SGCZ: variants seen among roughly 807,000 people sequenced by gnomAD.
The protein encoded by SGCZ is zeta-sarcoglycan.
Under a neutral mutation model 41.3 loss-of-function variants are expected in SGCZ, and 40 were observed. The ratio of observed to expected loss-of-function variants is 0.97; its 90% CI spans 0.75 to 1.26. SGCZ has a LOEUF of 1.26. SGCZ is among the 50% of genes most tolerant of loss of function. The pLI is 0.00. For missense variants in SGCZ, 552 were observed against 369.8 expected (o/e 1.49, Z -4.04); for synonymous variants, 206 against 137.5 (o/e 1.50, Z -3.49).
intron 1 of SGCZ, among the ~76,000 whole-genome samples, chr8:15,130,910 T>C (rs915010610): frequency 3.9e-5 from 6 of 152,138 alleles, no homozygotes; most frequent in Admixed American, 3.9e-4. Flanking sequence ...CCCCATCCAT[T>C]TTATATTATT....
intron 1 of SGCZ, among the ~76,000 whole-genome samples, chr8:15,054,961 C>CA (rs34309870): frequency 0.019 from 2,705 of 142,486 alleles, 32 homozygotes; most frequent in Non-Finnish European, 0.027. Context: ...GACTCCATCT[C>CA]AAAAAAAAAA....
At chr8:14,379,971 G>A (rs1023254182) in intron 2 of SGCZ, among the ~76,000 whole-genome samples, 1 of 152,152 alleles carries the variant, frequency 6.6e-6, no homozygotes, top group African/African-American at 2.4e-5. Flanking sequence ...GACCTCAGGT[G>A]ATCCACCCAC....
chr8:14,388,946 A>G (rs956545153), intron 2 of SGCZ, among the ~76,000 whole-genome samples: 2 of 152,114 alleles, frequency 1.3e-5, no homozygotes, highest in African/African-American at 4.8e-5. Context: ...AATTATCTGA[A>G]TAACATTGTA....
chr8:14,455,455 T>TAC (rs5889534), intron 2 of SGCZ, among the ~76,000 whole-genome samples: 4,782 of 144,370 alleles, frequency 0.033, 95 homozygotes, highest in African/African-American at 0.05. Flanking sequence ...TTTGCATGCA[T>TAC]ACACACACAC....
chr8:14,584,748 G>T (rs1463590848), intron 1 of SGCZ, among the ~76,000 whole-genome samples: 2 of 151,932 alleles, frequency 1.3e-5, no homozygotes, highest in Non-Finnish European at 2.9e-5. Flanking sequence ...AAGGGAAAAG[G>T]GAAGGTAGAA....
At position 14,383,653 on chromosome 8, in the gene SGCZ, G is replaced by C. The variant is rs117696154; in HGVS notation, c.235-59449C>G. On this transcript the variant is annotated intron_variant, in intron 2 of 7. Coordinates refer to ENST00000382080, the MANE Select transcript of SGCZ (RefSeq NM_139167.4). ...TTCCACTATAATTAAATTTTGAGAA[G>C]TGACAAAAAAATGTGCTGCAGGTAT... 1.2e-3 allele frequency among the ~76,000 whole-genome samples: 188 copies of C among 152,344 alleles called. 1 individual carries two copies. The East Asian group carries it at 0.033, about 27-fold the overall frequency.
At chr8:14,447,515 T>C (rs1003091289) in intron 2 of SGCZ, among the ~76,000 whole-genome samples, 6 of 152,300 alleles carry the variant, frequency 3.9e-5, no homozygotes, top group East Asian at 1.9e-4. Flanking sequence ...AAAACAAGTA[T>C]GTAATTAAGG....
intron 5 of SGCZ, among the ~76,000 whole-genome samples, chr8:14,156,144 T>C (rs1408680910): frequency 6.6e-6 from 1 of 152,096 alleles, no homozygotes; most frequent in Non-Finnish European, 1.5e-5. Flanking sequence ...TTATAAACAC[T>C]GTGCATAGAG....
At chr8:14,841,318 A>G (rs1366820775) in intron 1 of SGCZ, among the ~76,000 whole-genome samples, 4 of 152,010 alleles carry the variant, frequency 2.6e-5, no homozygotes, top group Non-Finnish European at 5.9e-5. Flanking sequence ...CTAACCTAAC[A>G]TAAGAGATAA....
At chr8:14,291,041 A>G (rs6530758) in intron 3 of SGCZ, among the ~76,000 whole-genome samples, 108,013 of 151,916 alleles carry the variant, frequency 0.71, 39,743 homozygotes, top group Non-Finnish European at 0.8. Context: ...TTGCAGCAAC[A>G]TGGATGAACT....
chr8:14,841,027 T>C (rs7845612), intron 1 of SGCZ, among the ~76,000 whole-genome samples: 1,594 of 152,218 alleles, frequency 0.01, 30 homozygotes, highest in African/African-American at 0.036. Context: ...TTTATCAATG[T>C]GTAAACATTT....
chr8:14,534,968 G>A (rs17119725), intron 2 of SGCZ, among the ~76,000 whole-genome samples: 19,976 of 151,868 alleles, frequency 0.13, 1,936 homozygotes, highest in African/African-American at 0.27. Flanking sequence ...CAAGAATGAC[G>A]TATCTCTTCA....
intron 1 of SGCZ, among the ~76,000 whole-genome samples, chr8:15,195,959 G>A (rs1158009061): frequency 8.2e-6 from 1 of 122,214 alleles, no homozygotes; most frequent in African/African-American, 3.2e-5. Flanking sequence ...GTGCAGTGGC[G>A]CGATCTTGGC....
chr8:14,678,378 C>T (rs1349716748), intron 1 of SGCZ, among the ~76,000 whole-genome samples: 2 of 152,074 alleles, frequency 1.3e-5, no homozygotes, highest in African/African-American at 2.4e-5. Flanking sequence ...GGGCCAGACA[C>T]CTTAATAGAC....
At chr8:15,032,582 C>T (rs77357652) in intron 1 of SGCZ, among the ~76,000 whole-genome samples, 15,648 of 152,140 alleles carry the variant, frequency 0.1, 949 homozygotes, top group Middle Eastern at 0.2. Flanking sequence ...GCTCAGCAGA[C>T]TCAGTCTCTG....
chr8:14,133,224 G>A (rs570988249), intron 5 of SGCZ, among the ~76,000 whole-genome samples: 3 of 152,076 alleles, frequency 2.0e-5, no homozygotes, highest in Non-Finnish European at 2.9e-5. Flanking sequence ...CGCCCACCCC[G>A]TACACATGTG....
chr8:14,829,136 C>T (rs558061146), intron 1 of SGCZ, among the ~76,000 whole-genome samples: 1 of 130,604 alleles, frequency 7.7e-6, no homozygotes, highest in African/African-American at 3.6e-5. Flanking sequence ...ATTATTTCCT[C>T]ATCCAGGTAT....
chr8:14,998,521 T>G (rs1371086622), intron 1 of SGCZ, among the ~76,000 whole-genome samples: 2 of 131,152 alleles, frequency 1.5e-5, no homozygotes, highest in Admixed American at 7.5e-5. Flanking sequence ...CTTCAAACAG[T>G]TAACTTTTTC....
intron 1 of SGCZ, among the ~76,000 whole-genome samples, chr8:15,110,919 G>A (rs892073440): frequency 6.6e-6 from 1 of 152,104 alleles, no homozygotes; most frequent in South Asian, 2.1e-4. Flanking sequence ...AGTGAGCTGA[G>A]GTCGCGCCAT....
Sources: allele counts gnomAD v4.1 joint callset (sites outside exome capture counted in the v4.1 genomes callset), GRCh38; gene constraint gnomAD v4.1.1; transcripts MANE v1.5; gene names NCBI Gene and HGNC (gene_info 2026-07-23, HGNC 2026-07-21).